Variants in ABHD3 observed in about 807,000 individuals in gnomAD.
The protein encoded by ABHD3 is abhydrolase domain containing 3, phospholipase, also known as phospholipase ABHD3.
Under a neutral mutation model 48.8 loss-of-function variants are expected in ABHD3, and 46 were observed. The observed-to-expected ratio is 0.94, with a 90% CI of 0.74 to 1.20. The LOEUF (loss-of-function observed/expected upper bound fraction) is 1.20. ABHD3 is among the 50% of genes most tolerant of loss of function. ABHD3 has a pLI of 0.00. For missense variants in ABHD3, 490 were observed against 497.8 expected (o/e 0.98, Z 0.15); for synonymous variants, 192 against 183.7 (o/e 1.04, Z -0.36).
intron 6 of ABHD3, among the ~76,000 whole-genome samples, chr18:21,658,048 T>A (rs2039398517): frequency 6.6e-6 from 1 of 151,644 alleles, no homozygotes; most frequent in Non-Finnish European, 1.5e-5. Flanking sequence ...ACATAAAATA[T>A]TAGCCAGGTG....
At chr18:21,653,344 T>G (rs1354984160) in intron 8 of ABHD3, among the ~76,000 whole-genome samples, 1 of 151,200 alleles carries the variant, frequency 6.6e-6, no homozygotes, top group Non-Finnish European at 1.5e-5. Context: ...AGACGGGGTT[T>G]CACAATGTTG....
At chr18:21,676,011 C>A (rs924251269) in intron 4 of ABHD3, among the ~76,000 whole-genome samples, 1 of 152,146 alleles carries the variant, frequency 6.6e-6, no homozygotes, top group Admixed American at 6.5e-5. Flanking sequence ...GATGTCTCTT[C>A]CTCTTCTTCT....
chr18:21,694,002 G>A (rs1281970160), intron 3 of ABHD3, among the ~76,000 whole-genome samples: 3 of 152,122 alleles, frequency 2.0e-5, no homozygotes, highest in Non-Finnish European at 4.4e-5. Context: ...CACCTCTAAT[G>A]CTGCAGGAAA....
At chr18:21,697,268 T>A (rs1433250134) in intron 3 of ABHD3, among the ~76,000 whole-genome samples, 2 of 151,898 alleles carry the variant, frequency 1.3e-5, no homozygotes, top group Non-Finnish European at 2.9e-5. Flanking sequence ...AGAGAGGGGG[T>A]GTCACCATAT....
intron 3 of ABHD3, among the ~76,000 whole-genome samples, chr18:21,692,275 C>T (rs2040269304): frequency 1.3e-5 from 2 of 152,146 alleles, no homozygotes; most frequent in South Asian, 2.1e-4. Context: ...AACCCTGTCA[C>T]ACACCAGCTA....
At chr18:21,677,778 G>C (rs1231418422) in intron 4 of ABHD3, among the ~76,000 whole-genome samples, 2 of 151,908 alleles carry the variant, frequency 1.3e-5, no homozygotes, top group Non-Finnish European at 2.9e-5. Flanking sequence ...CCACCTCCCG[G>C]GTTCAAGCGA....
At chr18:21,662,445 G>C (rs1471968255) in intron 5 of ABHD3, 1 of 152,188 alleles carries the variant, frequency 6.6e-6, no homozygotes, top group Non-Finnish European at 1.5e-5. Flanking sequence ...AGTGATGTCT[G>C]AGATTTGGTA....
chr18:21,664,001 A>G lies in ABHD3; in HGVS notation c.668+117T>C. 2.8e-6 allele frequency: 4 copies of G among 1,437,342 alleles called. No homozygotes were observed. In the East Asian group the frequency reaches 1.0e-4, roughly 36 times the overall value. The allele number at this position is 1,437,342 out of a possible 1,614,324, so 89.0% of individuals were successfully genotyped here. The stretch of plus-strand genomic sequence containing the variant: ...AACCGCATTTAATAAAATATGATAA[A>G]CATAATCAGACATTTATTTAAAAAG... On this transcript the variant is annotated intron_variant, in intron 5 of 8. Transcript: ENST00000289119.
At chr18:21,691,716 T>C (rs1049883548) in intron 3 of ABHD3, among the ~76,000 whole-genome samples, 1 of 152,190 alleles carries the variant, frequency 6.6e-6, no homozygotes, top group African/African-American at 2.4e-5. Flanking sequence ...GAAACATGAT[T>C]TATTTGCCTG....
In ABHD3 at chr18:21,703,603, G is replaced by T; in HGVS notation, c.307C>A (p.Pro103Thr). Residue 103 changes from proline (P) to threonine (T), a missense_variant, in exon 2 of 9, where the codon CCC becomes ACC. Coordinates refer to ENST00000289119, the MANE Select transcript of ABHD3 (RefSeq NM_138340.5). ...ACTTACTTCCTGTACTGCACCGGGG[G>T]CTTCGAAGTGATGAAAGGTCTAAGC... ...TLLRPFITSK[P>T]PVQYRNELIK... The T allele has an allele frequency of 1.2e-6, 2 of 1,613,204 alleles. No individual in the cohort carries two copies. The highest frequency in any genetic ancestry group is 1.1e-5 in the South Asian group (1 of 91,052).
intron 4 of ABHD3, among the ~76,000 whole-genome samples, chr18:21,665,689 G>A (rs189159529): frequency 8.6e-5 from 13 of 151,914 alleles, no homozygotes; most frequent in African/African-American, 3.1e-4. Context: ...GGTGGGCGCT[G>A]TAGTCCCAGC....
Position 21,664,204 on chromosome 18 carries a change from G to A in ABHD3, c.582C>T (p.Asn194=), listed in dbSNP as rs1290806880. 1 of 1,613,824 alleles carries A rather than the reference G, an allele frequency of 6.2e-7. No homozygotes were observed. Among genetic ancestry groups the A allele is most frequent in the African/African-American group, 1.3e-5 (1 of 74,902 alleles). ...GAATAACTGTCTCCAAGTCTTCAGT[G>A]TTAGCACAACAATAAGTCCTTGGCG... ...LLTPRTYCCA[N]TEDLETVIHH... Residue 194 remains asparagine, a synonymous_variant, in exon 5 of 9, where the codon AAC becomes AAT. Coordinates refer to ENST00000289119, the MANE Select transcript of ABHD3 (RefSeq NM_138340.5).
intron 4 of ABHD3, among the ~76,000 whole-genome samples, chr18:21,672,816 T>C (rs1382273868): frequency 6.6e-6 from 1 of 152,194 alleles, no homozygotes; most frequent in African/African-American, 2.4e-5. Flanking sequence ...AACCAGCAGT[T>C]TAATGAACCA....
Position 21,651,516 on chromosome 18 carries a change from A to T in ABHD3, c.*75T>A, listed in dbSNP as rs928916988. ...CTGGCTTATTTGCTTTATATACAAC[A>T]GTTAAAATTTGTGCACTAAGCTGAG... is the stretch of plus-strand genomic sequence containing the variant. On this transcript the variant is annotated 3_prime_UTR_variant, in exon 9 of 9. Transcript: ENST00000289119. 117 of 1,559,736 alleles carry T rather than the reference A, an allele frequency of 7.5e-5. No individual in the cohort carries two copies. The highest frequency in any genetic ancestry group is 1.0e-4 in the Non-Finnish European group (116 of 1,139,976).
chr18:21,687,953 A>G (rs2040164722), intron 3 of ABHD3, among the ~76,000 whole-genome samples: 1 of 152,180 alleles, frequency 6.6e-6, no homozygotes, highest in Admixed American at 6.5e-5. Context: ...AACAACCAAA[A>G]ATGTCTCCAG....
At chr18:21,667,488 G>A (rs572007344) in intron 4 of ABHD3, among the ~76,000 whole-genome samples, 9 of 151,892 alleles carry the variant, frequency 5.9e-5, no homozygotes, top group Non-Finnish European at 1.2e-4. Flanking sequence ...TGATCCGCCC[G>A]CCTCAGCCTC....
intron 3 of ABHD3, among the ~76,000 whole-genome samples, chr18:21,694,642 C>T (rs1285429328): frequency 4.6e-5 from 7 of 152,150 alleles, no homozygotes; most frequent in South Asian, 2.1e-4. Flanking sequence ...AAAAATCCCT[C>T]GAGTGATCCT....
chr18:21,699,906 G>C (rs1210336205), intron 3 of ABHD3, among the ~76,000 whole-genome samples: 1 of 152,068 alleles, frequency 6.6e-6, no homozygotes, highest in African/African-American at 2.4e-5. Context: ...TCGAACTCCT[G>C]ACCTTGTGAT....
rs751238154 is a variant in ABHD3 at position 21,664,226 on chromosome 18, G to C, written c.560C>G (p.Pro187Arg). 6.2e-7 allele frequency: 1 copy of C among 1,608,380 alleles called. No homozygotes were observed. Among genetic ancestry groups the C allele is most frequent in the East Asian group, 2.2e-5 (1 of 44,868 alleles). The change falls in exon 5 of 9, where the codon CCA becomes CGA. Residue 187 changes from proline to arginine, a missense_variant. Coordinates refer to ENST00000289119, the MANE Select transcript of ABHD3 (RefSeq NM_138340.5). ...AGTGTTAGCACAACAATAAGTCCTT[G>C]GCGTCTGGAAGTAGTGACAAGTAAA... ...RGVAGENLLT[P>R]RTYCCANTED...
Sources: gnomAD v4.1 joint callset for allele counts (sites outside exome capture counted in the v4.1 genomes callset) on GRCh38, gnomAD v4.1.1 for gene constraint, MANE v1.5 for transcripts, NCBI Gene and HGNC (gene_info 2026-07-23, HGNC 2026-07-21) for gene names.